The following TTC27 variants were observed in gnomAD, a reference collection of about 807,000 sequenced individuals.
The protein encoded by TTC27 is tetratricopeptide repeat protein 27.
Under a neutral mutation model 115.9 loss-of-function variants are expected in TTC27, and 79 were observed. The ratio of observed to expected loss-of-function variants is 0.68; its 90% CI spans 0.57 to 0.82. The LOEUF is 0.82. Ranked by LOEUF, TTC27 falls within the 40% of genes least tolerant of loss-of-function variation. The pLI is 0.00. For missense variants in TTC27, 1,054 were observed against 993.1 expected (o/e 1.06, Z -0.82); for synonymous variants, 401 against 356.0 (o/e 1.13, Z -1.42).
At chr2:32,733,208 G>A (rs1213369398) in intron 10 of TTC27, among the ~76,000 whole-genome samples, 3 of 152,166 alleles carry the variant, frequency 2.0e-5, no homozygotes, top group African/African-American at 7.2e-5. Context: ...TCTTGATGTA[G>A]CTTCTGAGAG....
intron 10 of TTC27, among the ~76,000 whole-genome samples, chr2:32,717,878 T>G (rs1356948841): frequency 1.3e-5 from 2 of 152,194 alleles, no homozygotes; most frequent in African/African-American, 4.8e-5. Flanking sequence ...TCTGGAGTCA[T>G]GCAGCCTGGT....
chr2:32,634,368 C>T (rs899297167), intron 3 of TTC27, among the ~76,000 whole-genome samples: 1 of 151,642 alleles, frequency 6.6e-6, no homozygotes, highest in African/African-American at 2.4e-5. Flanking sequence ...GATTACAGCT[C>T]ACTGCACCCT....
intron 16 of TTC27, among the ~76,000 whole-genome samples, chr2:32,803,190 C>G (rs368473457): frequency 2.6e-5 from 4 of 152,214 alleles, no homozygotes; most frequent in Admixed American, 2.6e-4. Context: ...AGACATTGCT[C>G]TTTTCCAATG....
intron 18 of TTC27, 62 bp downstream of exon 18, chr2:32,812,677 G>C: frequency 8.0e-7 from 1 of 1,257,230 alleles, no homozygotes; most frequent in Non-Finnish European, 1.2e-6. Flanking sequence ...TGACAGAAAA[G>C]AGTGTTGGTC....
At chr2:32,697,576 A>G (rs1025280228) in intron 9 of TTC27, among the ~76,000 whole-genome samples, 5 of 152,210 alleles carry the variant, frequency 3.3e-5, no homozygotes, top group African/African-American at 1.2e-4. Context: ...TTCAACAAAG[A>G]TGAACTTATT....
chr2:32,665,138 C>T (rs778960368), intron 6 of TTC27, among the ~76,000 whole-genome samples: 12 of 152,230 alleles, frequency 7.9e-5, no homozygotes, highest in Admixed American at 1.3e-4. Flanking sequence ...TGAGCCACCA[C>T]GCCCAGCCCA....
chr2:32,730,130 G>A (rs559783256), intron 10 of TTC27, among the ~76,000 whole-genome samples: 1 of 152,224 alleles, frequency 6.6e-6, no homozygotes, highest in East Asian at 1.9e-4. Context: ...TTCTTCCATT[G>A]TCTTCTTCCA....
intron 5 of TTC27, among the ~76,000 whole-genome samples, chr2:32,660,524 A>C (rs1002163038): frequency 6.6e-6 from 1 of 151,854 alleles, no homozygotes; most frequent in Non-Finnish European, 1.5e-5. Flanking sequence ...GCATGTTCTC[A>C]CTCATAAGTG....
chr2:32,781,389 G>A (rs1332857868), intron 14 of TTC27, among the ~76,000 whole-genome samples: 2 of 151,592 alleles, frequency 1.3e-5, no homozygotes, highest in Non-Finnish European at 2.9e-5. Context: ...TTTCCCTTTG[G>A]TTATGAAGGA....
chr2:32,634,015 T>C lies in TTC27; in HGVS notation c.396+10T>C, dbSNP rs376416720. 3 of 1,607,790 alleles carry C rather than the reference T, an allele frequency of 1.9e-6. No individual in the cohort carries two copies. The African/African-American group carries it at 4.0e-5, about 21-fold the overall frequency. ...CCAGCAATTCAGTGAGGTATGCTTC[T>C]TGAAAATGTTGTATGTAATTATTAT... is the stretch of plus-strand genomic sequence containing the variant. On this transcript the variant is annotated intron_variant, in intron 3 of 19. Transcript: ENST00000317907.
At chr2:32,805,512 T>C (rs1671097674) in intron 16 of TTC27, among the ~76,000 whole-genome samples, 1 of 152,218 alleles carries the variant, frequency 6.6e-6, no homozygotes, top group African/African-American at 2.4e-5. Flanking sequence ...GAGAATTTAA[T>C]GAAATCGGGT....
intron 5 of TTC27, among the ~76,000 whole-genome samples, chr2:32,663,514 C>G (rs1184989859): frequency 1.3e-5 from 2 of 150,836 alleles, no homozygotes; most frequent in Non-Finnish European, 3.0e-5. Flanking sequence ...CTAACCAGTC[C>G]CAGTGAGATG....
Position 32,736,829 on chromosome 2 carries a change from C to G in TTC27, c.1452+13C>G, listed in dbSNP as rs537223564. The G allele has an allele frequency of 6.2e-7, 1 of 1,612,490 alleles. No homozygotes were observed. Among genetic ancestry groups the G allele is most frequent in the Non-Finnish European group, 8.5e-7 (1 of 1,179,122 alleles). ...GCAGCACGGAAAGGTATGTAATAGTCCAATTTGATGTACTGGTGAGAGCCT... is the reference window on the plus strand; with the variant it reads ...GCAGCACGGAAAGGTATGTAATAGTGCAATTTGATGTACTGGTGAGAGCCT... On this transcript the variant is annotated intron_variant, in intron 12 of 19. Transcript: ENST00000317907.
chr2:32,666,753 G>A lies in TTC27; in HGVS notation c.924G>A (p.Gln308=), dbSNP rs1257483725. 3 of 1,612,280 alleles carry A rather than the reference G, an allele frequency of 1.9e-6. No individual in the cohort carries two copies. In the African/African-American group the frequency reaches 4.0e-5, roughly 22 times the overall value. The change falls in exon 7 of 20, where the codon CAG becomes CAA. Residue 308 remains glutamine, a synonymous_variant. Coordinates refer to ENST00000317907, the MANE Select transcript of TTC27 (RefSeq NM_017735.5). ...AATTCACTCCAGCACCCACTCCTCA[G>A]GAACATTTAACCAAGGCAAGTAGGA... ...NCEFTPAPTP[Q]EHLTKNLELN... is the part of the protein sequence containing the mutation.
intron 16 of TTC27, among the ~76,000 whole-genome samples, chr2:32,808,460 C>T (rs1671210303): frequency 1.3e-5 from 2 of 152,182 alleles, no homozygotes; most frequent in African/African-American, 4.8e-5. Context: ...TCCCTCCTCT[C>T]TCTTCTGGTG....
At chr2:32,687,762 T>C (rs2151893455) in intron 9 of TTC27, among the ~76,000 whole-genome samples, 1 of 152,288 alleles carries the variant, frequency 6.6e-6, no homozygotes, top group South Asian at 2.1e-4. Flanking sequence ...GACATAGTAA[T>C]TATAAATGTG....
intron 14 of TTC27, among the ~76,000 whole-genome samples, chr2:32,782,098 G>T (rs1670198129): frequency 6.6e-6 from 1 of 152,134 alleles, no homozygotes; most frequent in Admixed American, 6.5e-5. Context: ...AATTTAACCT[G>T]ATTAAGCTGA....
intron 16 of TTC27, among the ~76,000 whole-genome samples, chr2:32,801,479 T>C (rs1277861345): frequency 6.6e-6 from 1 of 152,184 alleles, no homozygotes; most frequent in Non-Finnish European, 1.5e-5. Context: ...GAAGAAGTCA[T>C]TGGAATTAGG....
chr2:32,722,655 T>C (rs1667966951), intron 10 of TTC27, among the ~76,000 whole-genome samples: 1 of 152,212 alleles, frequency 6.6e-6, no homozygotes, highest in East Asian at 1.9e-4. Flanking sequence ...AGAACTGGCT[T>C]ACAAAGGAAA....
Sources: gnomAD v4.1 joint callset for allele counts (sites outside exome capture counted in the v4.1 genomes callset) on GRCh38, gnomAD v4.1.1 for gene constraint, MANE v1.5 for transcripts, NCBI Gene and HGNC (gene_info 2026-07-23, HGNC 2026-07-21) for gene names.